Variants in PCDHGA4 observed in about 807,000 individuals in gnomAD.
The protein encoded by PCDHGA4 is protocadherin gamma subfamily A, 4, also known as protocadherin gamma-A4.
PCDHGA4 carries 38 observed loss-of-function variants against 54.6 expected under a neutral mutation model. That is an observed-to-expected ratio of 0.70 (90% CI 0.54 to 0.91). The LOEUF (loss-of-function observed/expected upper bound fraction) is 0.91, where lower values mean the gene tolerates loss of function less well. Ranked by LOEUF, PCDHGA4 falls within the 40% of genes least tolerant of loss-of-function variation. The pLI is 0.00. For synonymous variants in PCDHGA4, 511 were observed against 512.9 expected (o/e 1.00, Z 0.05); for missense variants, 1,298 against 1,220.9 (o/e 1.06, Z -0.94).
chr5:141,366,210 G>T (rs374658125), intron 1 of PCDHGA4: 73 of 1,613,682 alleles, frequency 4.5e-5, no homozygotes, highest in Non-Finnish European at 6.2e-5. Context: ...GGCGAGGTGC[G>T]CACAGCGCGA....
chr5:141,409,825 G>T (rs748261010), intron 1 of PCDHGA4: 8 of 1,610,680 alleles, frequency 5.0e-6, no homozygotes, highest in Admixed American at 3.4e-5. Context: ...GCTCGCCCAC[G>T]CTCAGCGCCA....
At chr5:141,370,338 G>T in intron 1 of PCDHGA4, 1 of 1,456,378 alleles carries the variant, frequency 6.9e-7, no homozygotes, top group Non-Finnish European at 9.2e-7. Context: ...GAACTCTTGG[G>T]ATTATTTAAA....
At chr5:141,422,886 G>A in intron 1 of PCDHGA4, 1 of 1,614,260 alleles carries the variant, frequency 6.2e-7, no homozygotes, top group Non-Finnish European at 8.5e-7. Flanking sequence ...GCCTGTTCGT[G>A]CTGGACCAGA....
intron 1 of PCDHGA4, chr5:141,414,763 C>A: frequency 6.2e-7 from 1 of 1,614,258 alleles, no homozygotes; most frequent in Non-Finnish European, 8.5e-7. Flanking sequence ...TGAGCAGTTT[C>A]ATGAGCTACA....
In PCDHGA4 at chr5:141,510,976, G is replaced by A. The variant is rs752758180; in HGVS notation, c.2692G>A (p.Gly898Arg). The change falls in exon 4 of 4, where the codon GGG (glycine) becomes AGG (arginine). Residue 898 changes from glycine to arginine, a missense_variant. Gly to Arg is a moderately radical substitution (Grantham distance 125, BLOSUM62 -2). Transcript: ENST00000571252. ...EAADGSSTLG[G>R]GAGTMGLSAR... ...TGCTGATGGGAGCTCCACCCTGGGA[G>A]GGGGTGCCGGCACCATGGGATTGAG... The A allele has an allele frequency of 5.0e-6, 8 of 1,614,046 alleles. No individual in the cohort carries two copies. The highest frequency in any genetic ancestry group is 6.8e-6 in the Non-Finnish European group (8 of 1,180,022).
chr5:141,434,132 G>A (rs2097674012), intron 1 of PCDHGA4, among the ~76,000 whole-genome samples: 1 of 152,194 alleles, frequency 6.6e-6, no homozygotes, highest in South Asian at 2.1e-4. Context: ...CCTTTAGGCT[G>A]ATTTCTATGT....
intron 1 of PCDHGA4, chr5:141,395,539 TG>T: frequency 9.6e-6 from 2 of 208,432 alleles, no homozygotes; most frequent in Non-Finnish European, 1.6e-5. Flanking sequence ...ATTTTGCTAT[TG>T]TTTGTGTGTG....
At chr5:141,360,775 G>T in intron 1 of PCDHGA4, 1 of 1,613,924 alleles carries the variant, frequency 6.2e-7, no homozygotes, top group South Asian at 1.1e-5. Flanking sequence ...GGTCCTCACA[G>T]CTGTGGATGG....
intron 1 of PCDHGA4, among the ~76,000 whole-genome samples, chr5:141,369,505 G>GA (rs1379316544): frequency 5.3e-5 from 8 of 150,772 alleles, no homozygotes; most frequent in African/African-American, 1.2e-4. Context: ...CACCTCTATA[G>GA]AAAAAAAAAG....
chr5:141,507,202 C>G (rs2099859138), intron 3 of PCDHGA4: 1 of 152,356 alleles, frequency 6.6e-6, no homozygotes, highest in Non-Finnish European at 1.5e-5. Flanking sequence ...TCTTCCAGAT[C>G]AGGGTTGCCA....
chr5:141,384,126 C>A lies in PCDHGA4; in HGVS notation c.2514+26505C>A, dbSNP rs749225079. On this transcript the variant is annotated intron_variant, in intron 1 of 3. Transcript: ENST00000571252. ...ATTATAGATTGGTCACAACCAAAAA[C>A]TTGGACCGGGAAACACTCTCTTTGT... 4 of 1,610,820 alleles carry A rather than the reference C, an allele frequency of 2.5e-6. No individual in the cohort carries two copies. The Admixed American group carries it at 6.7e-5, about 27-fold the overall frequency.
intron 1 of PCDHGA4, chr5:141,405,019 T>C (rs2094597771): frequency 6.2e-7 from 1 of 1,613,860 alleles, no homozygotes; most frequent in African/African-American, 1.3e-5. Flanking sequence ...CCTCAGACCT[T>C]ACCCTCTACC....
chr5:141,412,827 A>G (rs977931124), intron 1 of PCDHGA4, among the ~76,000 whole-genome samples: 2 of 152,236 alleles, frequency 1.3e-5, no homozygotes, highest in Non-Finnish European at 2.9e-5. Context: ...ATAGTAAATT[A>G]TTTAAAGATA....
chr5:141,450,258 T>A (rs1267755848), intron 1 of PCDHGA4, among the ~76,000 whole-genome samples: 1 of 152,096 alleles, frequency 6.6e-6, no homozygotes, highest in Non-Finnish European at 1.5e-5. Context: ...CCTCAAGTGA[T>A]CTGCCCACCT....
At chr5:141,497,855 C>T (rs1447484949) in intron 2 of PCDHGA4, among the ~76,000 whole-genome samples, 1 of 152,122 alleles carries the variant, frequency 6.6e-6, no homozygotes, top group Non-Finnish European at 1.5e-5. Flanking sequence ...ATTTTTGATT[C>T]AGCGGCTCCA....
chr5:141,419,350 G>A, intron 1 of PCDHGA4: 1 of 1,613,848 alleles, frequency 6.2e-7, no homozygotes, highest in Non-Finnish European at 8.5e-7. Context: ...GCGACCTGGA[G>A]TCACGAACGC....
At position 141,489,749 on chromosome 5, in the gene PCDHGA4, AC is replaced by A; in HGVS notation, c.2515-5057del. ...GTGGGCACCAATACTGTGAGCTTTT[AC>A]ACTCTAAGCCCCAACAGCCACTTCT... is the stretch of plus-strand genomic sequence containing the variant. On this transcript the variant is annotated intron_variant, in intron 1 of 3. Transcript: ENST00000571252. The surrounding 1 kb of genome is among the most constrained non-coding windows in gnomAD (Gnocchi z 4.5). 6.2e-7 allele frequency: 1 copy of A among 1,614,126 alleles called. No individual in the cohort carries two copies. Among genetic ancestry groups the A allele is most frequent in the Non-Finnish European group, 8.5e-7 (1 of 1,180,002 alleles).
chr5:141,404,497 T>C, intron 1 of PCDHGA4: 1 of 1,613,930 alleles, frequency 6.2e-7, no homozygotes, highest in Non-Finnish European at 8.5e-7. Context: ...GTGTGCTGTA[T>C]GCTCTGTGCT....
chr5:141,405,108 G>A, intron 1 of PCDHGA4: 1 of 1,613,960 alleles, frequency 6.2e-7, no homozygotes, highest in Non-Finnish European at 8.5e-7. Flanking sequence ...CTGAGGCACT[G>A]GCACTCCTCG....
Sources: allele counts gnomAD v4.1 joint callset (sites outside exome capture counted in the v4.1 genomes callset), GRCh38; gene constraint gnomAD v4.1.1; non-coding constraint Gnocchi (gnomAD v3.1); transcripts MANE v1.5; gene names NCBI Gene and HGNC (gene_info 2026-07-23, HGNC 2026-07-21).